Variants in INPP5D observed in about 807,000 individuals in gnomAD.
INPP5D encodes phosphatidylinositol 3,4,5-trisphosphate 5-phosphatase 1.
In INPP5D, 33 loss-of-function variants were observed where a neutral mutation model predicts 122.9. That is an observed-to-expected ratio of 0.27 (90% confidence interval 0.20 to 0.36). The LOEUF (loss-of-function observed/expected upper bound fraction) is 0.36, where lower values mean the gene tolerates loss of function less well. Among genes scored for constraint, INPP5D ranks in the 10% least tolerant of loss-of-function variants. INPP5D has a pLI of 1.00. For synonymous variants in INPP5D, 584 were observed against 576.2 expected, an observed-to-expected ratio of 1.01 and a Z score of -0.19; for missense variants, 1,053 against 1,412.7, an observed-to-expected ratio of 0.75 and a Z score of 4.08.
intron 2 of INPP5D, among the ~76,000 whole-genome samples, chr2:233,099,525 TCAA>T (rs1208016240): frequency 3.3e-5 from 5 of 152,234 alleles, no homozygotes; most frequent in African/African-American, 4.8e-5. Flanking sequence ...CCTGTGCTCT[TCAA>T]CAACAACAAA....
rs1482461208 is a variant in INPP5D, at chr2:233,177,087, TGGAGTCTG to T, written c.1990-176_1990-169del. On this transcript the variant is annotated intron_variant, in intron 17 of 26. Coordinates refer to ENST00000445964, the MANE Select transcript of INPP5D (RefSeq NM_001017915.3). The surrounding 1 kb of genome is among the most constrained non-coding windows in gnomAD (Gnocchi z 4.2). ...TAGTCTAAAGAAGAAGGCGTGGCAG[TGGAGTCTG>T]GACTTGAGCCATGTGAAAAAAGTTT... 3.3e-5 allele frequency among the ~76,000 whole-genome samples: 5 copies of T among 152,092 alleles called. No individual in the cohort carries two copies. The highest frequency in any genetic ancestry group is 7.4e-5 in the Non-Finnish European group (5 of 68,014).
At chr2:233,146,917 G>A (rs1191272917) in intron 8 of INPP5D, among the ~76,000 whole-genome samples, 1 of 152,120 alleles carries the variant, frequency 6.6e-6, no homozygotes, top group Non-Finnish European at 1.5e-5. Flanking sequence ...CCCAAATTCA[G>A]GAATCCAGTG....
chr2:233,101,742 A>G lies in INPP5D; in HGVS notation c.199-20365A>G, dbSNP rs1404339690. On this transcript the variant is annotated intron_variant, in intron 2 of 26. Transcript: ENST00000445964. ...TATTATATATAATATAAATATATTT[A>G]TTTATTATAAATTATATTTATTTAT... 7.5e-5 allele frequency among the ~76,000 whole-genome samples: 11 copies of G among 146,282 alleles called. No individual in the cohort carries two copies. In the Admixed American group the frequency reaches 7.6e-4, roughly 10 times the overall value.
chr2:233,159,344 C>T (rs1273836334), intron 10 of INPP5D, among the ~76,000 whole-genome samples: 1 of 152,166 alleles, frequency 6.6e-6, no homozygotes, highest in Non-Finnish European at 1.5e-5. Flanking sequence ...TCGTGTGAGG[C>T]AGTAAAAATG....
chr2:233,186,035 C>T, intron 21 of INPP5D, 110 bp downstream of exon 21: 1 of 1,330,518 alleles, frequency 7.5e-7, no homozygotes, highest in South Asian at 2.3e-5. Context: ...GCAGGAATCT[C>T]ATAGACCAAA....
intron 2 of INPP5D, among the ~76,000 whole-genome samples, chr2:233,111,801 C>T (rs13427129): frequency 0.12 from 18,585 of 152,146 alleles, 1,260 homozygotes; most frequent in Middle Eastern, 0.19. Flanking sequence ...TGGCTCACGC[C>T]TGTGATCCTA....
chr2:233,099,948 GA>G (rs1692257892), intron 2 of INPP5D, among the ~76,000 whole-genome samples: 1 of 152,186 alleles, frequency 6.6e-6, no homozygotes, highest in Non-Finnish European at 1.5e-5. Flanking sequence ...GCAGACAAGA[GA>G]AGAATGAGCT....
intron 2 of INPP5D, among the ~76,000 whole-genome samples, chr2:233,083,275 C>T (rs940458753): frequency 1.3e-5 from 2 of 152,114 alleles, no homozygotes; most frequent in African/African-American, 4.8e-5. Context: ...CTAGGCAGTG[C>T]TGGGAGTGGT....
rs1398873805 is a variant in INPP5D, at chr2:233,170,302, G to T, written c.1791+138G>T. 2 of 1,495,344 alleles carry T rather than the reference G, an allele frequency of 1.3e-6. No individual in the cohort carries two copies. Among genetic ancestry groups the T allele is most frequent in the Middle Eastern group, 2.4e-4 (1 of 4,216 alleles). The allele number at this position is 1,495,344 out of a possible 1,614,324, so 92.6% of individuals were successfully genotyped here. A position where few individuals can be genotyped will look rare whatever the true frequency, so the allele number is the denominator to read the frequency against. ...CTGCTCCCCTTGGGGGCTCAACGCT[G>T]TTTCCATTACTGAGCCTCAGCCGCT... On this transcript the variant is annotated intron_variant, in intron 15 of 26. Coordinates refer to ENST00000445964, the MANE Select transcript of INPP5D (RefSeq NM_001017915.3). The surrounding 1 kb of genome is among the most constrained non-coding windows in gnomAD (Gnocchi z 4.5).
chr2:233,123,168 A>C lies in INPP5D; in HGVS notation c.349+911A>C, dbSNP rs79809839. ...TAAAAATATGTTGAAAAAAATGTAC[A>C]GTCCCAGCCAGGTGCAGTGGCTCAC... On this transcript the variant is annotated intron_variant, in intron 3 of 26. Transcript: ENST00000445964. 2.5e-4 allele frequency among the ~76,000 whole-genome samples: 38 copies of C among 152,264 alleles called. No individual in the cohort carries two copies. In the East Asian group the frequency reaches 5.8e-3, roughly 23 times the overall value.
chr2:233,180,689 C>A (rs1201739604), intron 18 of INPP5D, among the ~76,000 whole-genome samples: 1 of 152,258 alleles, frequency 6.6e-6, no homozygotes, highest in Non-Finnish European at 1.5e-5. Context: ...CAGGCGCCCA[C>A]CACCACGCCC....
At chr2:233,121,016 C>G (rs1472326235) in intron 2 of INPP5D, among the ~76,000 whole-genome samples, 3 of 151,956 alleles carry the variant, frequency 2.0e-5, no homozygotes, top group East Asian at 3.9e-4. Context: ...AGTAACTTCC[C>G]CACCAAACAC....
At chr2:233,069,070 C>T (rs1457442696) in intron 1 of INPP5D, among the ~76,000 whole-genome samples, 3 of 152,196 alleles carry the variant, frequency 2.0e-5, no homozygotes, top group Non-Finnish European at 4.4e-5. Flanking sequence ...GACGGGGGTA[C>T]TCAGGCTTGA....
At chr2:233,066,247 C>T (rs72982218) in intron 1 of INPP5D, among the ~76,000 whole-genome samples, 7,945 of 152,262 alleles carry the variant, frequency 0.052, 546 homozygotes, top group African/African-American at 0.16. Context: ...AGCCGCTGCA[C>T]GCAGCCTCAC....
chr2:233,143,598 A>G (rs1693673943), intron 6 of INPP5D, among the ~76,000 whole-genome samples: 1 of 152,232 alleles, frequency 6.6e-6, no homozygotes, highest in Admixed American at 6.5e-5. Flanking sequence ...TCTTCAAGCC[A>G]CTTTCCTGAT....
At chr2:233,114,179 A>T (rs1477431762) in intron 2 of INPP5D, among the ~76,000 whole-genome samples, 1 of 152,134 alleles carries the variant, frequency 6.6e-6, no homozygotes, top group Non-Finnish European at 1.5e-5. Context: ...AAGGGCTGGG[A>T]TTACAGGTGT....
rs201252871 is a variant in INPP5D, at chr2:233,195,456, C to T, written c.2654C>T (p.Thr885Ile). Residue 885 changes from threonine to isoleucine, a missense_variant, in exon 24 of 27, where the codon ACC becomes ATC. Coordinates refer to ENST00000445964, the MANE Select transcript of INPP5D (RefSeq NM_001017915.3). ...GGGCCAAAGACCCTGAAGAGCCTCA[C>T]CAGCCACGACCCCATGAAGCAGTGG... is the stretch of plus-strand genomic sequence containing the variant. The part of the protein sequence containing the change: ...SSGPKTLKSL[T>I]SHDPMKQWEV... The T allele has an allele frequency of 3.7e-6, 6 of 1,613,882 alleles. No individual in the cohort carries two copies. In the African/African-American group the frequency reaches 5.3e-5, roughly 14 times the overall value.
In INPP5D at chr2:233,128,244, C is replaced by T. The variant is rs965268726; in HGVS notation, c.525-2264C>T. Reference sequence around the variant, plus strand: ...GAGATGGAGCAGTTTCCTCCCACAACCATCCCCCCACCACCCATCCGTGGA... The same window carrying T: ...GAGATGGAGCAGTTTCCTCCCACAATCATCCCCCCACCACCCATCCGTGGA... On this transcript the variant is annotated intron_variant, in intron 4 of 26. Coordinates refer to ENST00000445964, the MANE Select transcript of INPP5D (RefSeq NM_001017915.3). This position sits in a 1 kb window ranked among gnomAD's most constrained non-coding sequence, Gnocchi z 4.5. Among the ~76,000 whole-genome samples the T allele has an allele frequency of 3.3e-5, 5 of 152,162 alleles. No individual in the cohort carries two copies. Among genetic ancestry groups the T allele is most frequent in the African/African-American group, 1.2e-4 (5 of 41,422 alleles).
At chr2:233,185,714 TAAAAAAAAAAAA>T in intron 20 of INPP5D, 117 bp from the exon 21 acceptor site, 2 of 625,636 alleles carry the variant, frequency 3.2e-6, no homozygotes, top group Non-Finnish European at 4.0e-6. Flanking sequence ...GGCCCCGAGA[TAAAAAAAAAAAA>T]AAAAAAAAAA....
Sources: allele counts gnomAD v4.1 joint callset (sites outside exome capture counted in the v4.1 genomes callset), GRCh38; gene constraint gnomAD v4.1.1; non-coding constraint Gnocchi (gnomAD v3.1); transcripts MANE v1.5; gene names NCBI Gene and HGNC (gene_info 2026-07-23, HGNC 2026-07-21).